Variants in STX18 observed in about 807,000 individuals in gnomAD.
STX18 encodes syntaxin 18.
STX18 carries 40 observed loss-of-function variants against 50.1 expected under a neutral mutation model. The observed-to-expected ratio is 0.80, with a 90% CI of 0.62 to 1.04. STX18 has a LOEUF of 1.04. STX18 is among the 50% of genes least tolerant of loss of function. STX18 has a pLI of 0.00. For missense variants in STX18, 410 were observed against 415.8 expected (o/e 0.99, Z 0.12); for synonymous variants, 158 against 151.8 (o/e 1.04, Z -0.30).
chr4:4,438,865 A>C (rs1725933858), intron 5 of STX18, among the ~76,000 whole-genome samples: 1 of 151,806 alleles, frequency 6.6e-6, no homozygotes, highest in Non-Finnish European at 1.5e-5. Context: ...AGTTGACACT[A>C]ATGCAAAAAG....
At chr4:4,425,118 A>G (rs780294787) in intron 8 of STX18, 46 bp downstream of exon 8, 3 of 1,567,056 alleles carry the variant, frequency 1.9e-6, no homozygotes, top group Admixed American at 3.3e-5. Context: ...GTTCCTGGAA[A>G]AGTTGTAAAG....
intron 9 of STX18, among the ~76,000 whole-genome samples, chr4:4,422,928 C>G (rs1463299052): frequency 6.6e-6 from 1 of 152,226 alleles, no homozygotes; most frequent in Non-Finnish European, 1.5e-5. Context: ...GCAAATTTAT[C>G]AGGTCTTGAA....
At chr4:4,461,419 C>T (rs1271794312) in intron 2 of STX18, among the ~76,000 whole-genome samples, 1 of 152,084 alleles carries the variant, frequency 6.6e-6, no homozygotes, top group African/African-American at 2.4e-5. Flanking sequence ...TGCTGTTCTG[C>T]TCTAGTAAAA....
chr4:4,500,591 A>G (rs1374266968), intron 1 of STX18, among the ~76,000 whole-genome samples: 2 of 152,232 alleles, frequency 1.3e-5, no homozygotes, highest in Non-Finnish European at 2.9e-5. Flanking sequence ...GAGGATACCA[A>G]GGGATGACCA....
In STX18 at chr4:4,419,904, G is replaced by C. The variant is rs1160035889; in HGVS notation, c.*130C>G. 12 of 759,630 alleles carry C rather than the reference G, an allele frequency of 1.6e-5. No individual in the cohort carries two copies. The highest frequency in any genetic ancestry group is 2.6e-5 in the Non-Finnish European group (12 of 462,820). 47.1% of individuals were successfully genotyped at this position (759,630 alleles called of 1,614,324 possible). A position where few individuals can be genotyped will look rare whatever the true frequency, so the allele number is the denominator to read the frequency against. ...TTTTGGGGAATACGTCTGTCTGTCT[G>C]AACTCCTTTCCCTTCAAATGGCACT... On this transcript the variant is annotated 3_prime_UTR_variant, in exon 11 of 11. Transcript: ENST00000306200.
rs1184252276 is a variant in STX18 at position 4,505,648 on chromosome 4, G to A, written c.169-33942C>T. On this transcript the variant is annotated intron_variant, in intron 1 of 10. Coordinates refer to ENST00000306200, the MANE Select transcript of STX18 (RefSeq NM_016930.4). ...TAAAAAAAAAAAAAAAATCAGCCAG[G>A]CATGGTGGTGCACATCTGTAATCCC... Among the ~76,000 whole-genome samples, 7 of 152,096 alleles carry A rather than the reference G, an allele frequency of 4.6e-5. No homozygotes were observed. In the East Asian group the frequency reaches 1.4e-3, roughly 29 times the overall value.
In STX18 at chr4:4,483,702, G is replaced by C. The variant is rs114827408; in HGVS notation, c.169-11996C>G. Among the ~76,000 whole-genome samples the C allele has an allele frequency of 6.9e-3, 1,049 of 152,266 alleles. 13 individuals carry two copies. Among genetic ancestry groups the C allele is most frequent in the African/African-American group, 0.023 (960 of 41,538 alleles). ...CTAGAAGACACCTGCTTTGCCAAAA[G>C]AGCAGCATGATAGGGCACCCACTGC... is the stretch of plus-strand genomic sequence containing the variant. On this transcript the variant is annotated intron_variant, in intron 1 of 10. Transcript: ENST00000306200.
At chr4:4,438,141 C>T (rs1271377210) in intron 6 of STX18, among the ~76,000 whole-genome samples, 5 of 152,210 alleles carry the variant, frequency 3.3e-5, no homozygotes, top group Non-Finnish European at 7.3e-5. Flanking sequence ...CCCGGCCTCA[C>T]CCCTCCAGCA....
In STX18 at chr4:4,495,052, T is replaced by C. The variant is rs79187982; in HGVS notation, c.169-23346A>G. On this transcript the variant is annotated intron_variant, in intron 1 of 10. Coordinates refer to ENST00000306200, the MANE Select transcript of STX18 (RefSeq NM_016930.4). ...TGATGTAGGAGCCAGAGGAAAGAGG[T>C]TGAGCATGGACTTTGGAATCAGACT... is the stretch of plus-strand genomic sequence containing the variant. Among the ~76,000 whole-genome samples the C allele has an allele frequency of 2.1e-3, 324 of 152,166 alleles. 1 individual carries two copies. Among genetic ancestry groups the C allele is most frequent in the African/African-American group, 7.5e-3 (310 of 41,514 alleles).
intron 1 of STX18, among the ~76,000 whole-genome samples, chr4:4,512,871 G>A (rs1201028142): frequency 6.6e-6 from 1 of 152,070 alleles, no homozygotes; most frequent in Non-Finnish European, 1.5e-5. Flanking sequence ...TATGCTTTGT[G>A]GGCTATTAAT....
intron 1 of STX18, among the ~76,000 whole-genome samples, chr4:4,505,663 T>G (rs1400955339): frequency 6.7e-6 from 1 of 150,110 alleles, no homozygotes; most frequent in Non-Finnish European, 1.5e-5. Context: ...GTGGTGCACA[T>G]CTGTAATCCC....
At position 4,453,698 on chromosome 4, in the gene STX18, A is replaced by G. The variant is rs1050957549; in HGVS notation, c.497+3493T>C. The stretch of plus-strand genomic sequence containing the variant: ...TCTGGGTAGAAAGAAGATATTTTTG[A>G]TATATAATATCATAGTACTATAATT... On this transcript the variant is annotated intron_variant, in intron 5 of 10. Transcript: ENST00000306200. 9 of 980,404 alleles carry G rather than the reference A, an allele frequency of 9.2e-6. No individual in the cohort carries two copies. In the African/African-American group the frequency reaches 1.6e-4, roughly 17 times the overall value. 60.7% of individuals were successfully genotyped at this position (980,404 alleles called of 1,614,324 possible). A position where few individuals can be genotyped will look rare whatever the true frequency, so the allele number is the denominator to read the frequency against.
intron 1 of STX18, among the ~76,000 whole-genome samples, chr4:4,500,819 T>G (rs1429585299): frequency 6.6e-6 from 1 of 152,170 alleles, no homozygotes; most frequent in East Asian, 1.9e-4. Context: ...GTGGATCACC[T>G]GAGGTCAGGA....
intron 5 of STX18, among the ~76,000 whole-genome samples, chr4:4,444,606 G>T (rs1577328160): frequency 1.3e-5 from 2 of 152,166 alleles, no homozygotes; most frequent in Admixed American, 1.3e-4. Context: ...CCTGGAGTTT[G>T]CCCTATGTGC....
intron 1 of STX18, among the ~76,000 whole-genome samples, chr4:4,484,543 A>G (rs1207138887): frequency 1.3e-5 from 2 of 152,238 alleles, no homozygotes; most frequent in Non-Finnish European, 2.9e-5. Context: ...AAAAATCATC[A>G]TTCAAAAAAT....
chr4:4,526,331 T>G (rs973931739), intron 1 of STX18, among the ~76,000 whole-genome samples: 1 of 152,170 alleles, frequency 6.6e-6, no homozygotes, highest in African/African-American at 2.4e-5. Context: ...TACTATGTAC[T>G]GAACTGTGCT....
intron 1 of STX18, chr4:4,507,780 G>A (rs1729790996): frequency 4.0e-5 from 28 of 700,732 alleles, no homozygotes; most frequent in African/African-American, 1.8e-4. Flanking sequence ...AGTTTCAATT[G>A]TAAACAAAAA....
chr4:4,435,296 AT>A (rs2108784731), intron 6 of STX18, among the ~76,000 whole-genome samples: 1 of 152,312 alleles, frequency 6.6e-6, no homozygotes, highest in Non-Finnish European at 1.5e-5. Context: ...ACATATATAT[AT>A]ATATACAGGA....
chr4:4,508,237 T>C (rs534758706), intron 1 of STX18, among the ~76,000 whole-genome samples: 3 of 152,192 alleles, frequency 2.0e-5, no homozygotes, highest in Admixed American at 6.5e-5. Context: ...TGTCTGTTCA[T>C]GGTGTCTTAA....
Sources: gnomAD v4.1 joint callset for allele counts (sites outside exome capture counted in the v4.1 genomes callset) on GRCh38, gnomAD v4.1.1 for gene constraint, MANE v1.5 for transcripts, NCBI Gene and HGNC (gene_info 2026-07-23, HGNC 2026-07-21) for gene names.